The following KCTD16 variants were observed in gnomAD, a reference collection of about 807,000 sequenced individuals.
The protein encoded by KCTD16 is BTB/POZ domain-containing protein KCTD16.
KCTD16 carries 13 observed loss-of-function variants against 33.2 expected under a neutral mutation model. That is an observed-to-expected ratio of 0.39 (90% CI 0.25 to 0.62). The LOEUF is 0.62. Among genes scored for constraint, KCTD16 ranks in the 20% least tolerant of loss-of-function variants. The probability of loss-of-function intolerance (pLI) is 0.50; values close to 1 mark genes in which losing one functional copy is unlikely to be tolerated. For synonymous variants in KCTD16, 197 were observed against 195.3 expected, an observed-to-expected ratio of 1.01 and a Z score of -0.07; for missense variants, 441 against 525.1, an observed-to-expected ratio of 0.84 and a Z score of 1.57.
intron 3 of KCTD16, among the ~76,000 whole-genome samples, chr5:144,348,859 A>G (rs1752875177): frequency 6.6e-6 from 1 of 152,316 alleles, no homozygotes; most frequent in African/African-American, 2.4e-5. Flanking sequence ...TTGCTGCAGC[A>G]ATCTTGACTA....
chr5:144,301,748 C>T (rs1200133546), intron 3 of KCTD16, among the ~76,000 whole-genome samples: 1 of 152,184 alleles, frequency 6.6e-6, no homozygotes, highest in Non-Finnish European at 1.5e-5. Context: ...TGATGCTTCC[C>T]TTAGCAACCA....
At chr5:144,227,413 G>A (rs1463143884) in intron 3 of KCTD16, among the ~76,000 whole-genome samples, 1 of 152,172 alleles carries the variant, frequency 6.6e-6, no homozygotes, top group Non-Finnish European at 1.5e-5. Context: ...TGGTAAGGGA[G>A]GAAGAGGCTG....
intron 3 of KCTD16, among the ~76,000 whole-genome samples, chr5:144,223,450 G>A (rs1753826488): frequency 6.6e-6 from 1 of 152,054 alleles, no homozygotes; most frequent in South Asian, 2.1e-4. Flanking sequence ...TAATAGAATG[G>A]TAGCATCAGC....
intron 3 of KCTD16, among the ~76,000 whole-genome samples, chr5:144,466,001 G>T (rs1294485582): frequency 6.6e-6 from 1 of 151,796 alleles, no homozygotes; most frequent in Non-Finnish European, 1.5e-5. Context: ...ACCATGCCTG[G>T]CTAATTTTTG....
intron 2 of KCTD16, among the ~76,000 whole-genome samples, chr5:144,193,998 G>C (rs1185400136): frequency 6.6e-6 from 1 of 152,142 alleles, no homozygotes; most frequent in East Asian, 1.9e-4. Context: ...TAGGACTCGA[G>C]TGTAAGGTGC....
chr5:144,399,356 G>A (rs768175429), intron 3 of KCTD16, among the ~76,000 whole-genome samples: 6 of 151,220 alleles, frequency 4.0e-5, no homozygotes, highest in Non-Finnish European at 7.4e-5. Context: ...TAGAATCTAG[G>A]GTTAGTGCAA....
chr5:144,385,356 T>G (rs1446270816), intron 3 of KCTD16: 3 of 152,212 alleles, frequency 2.0e-5, no homozygotes, highest in Non-Finnish European at 2.9e-5. Context: ...ATTTGTTACT[T>G]GTATTTTTAT....
At chr5:144,249,247 T>C (rs925564527) in intron 3 of KCTD16, among the ~76,000 whole-genome samples, 10 of 152,188 alleles carry the variant, frequency 6.6e-5, no homozygotes, top group African/African-American at 2.4e-4. Context: ...GTAATATTCT[T>C]ATACTCTTCC....
chr5:144,443,421 GGAGA>G (rs1238904659), intron 3 of KCTD16, among the ~76,000 whole-genome samples: 2 of 150,416 alleles, frequency 1.3e-5, no homozygotes, highest in African/African-American at 4.9e-5. Context: ...TTTTTTTTCT[GGAGA>G]GAGAGTCTGG....
intron 3 of KCTD16, among the ~76,000 whole-genome samples, chr5:144,447,715 TAAAAA>T (rs892868499): frequency 6.6e-6 from 1 of 152,006 alleles, no homozygotes; most frequent in African/African-American, 2.4e-5. Flanking sequence ...CAACATAAAC[TAAAAA>T]CAAAACAATG....
At chr5:144,448,570 G>A (rs1241091803) in intron 3 of KCTD16, among the ~76,000 whole-genome samples, 2 of 152,076 alleles carry the variant, frequency 1.3e-5, no homozygotes, top group Non-Finnish European at 2.9e-5. Context: ...TTTAAAATAT[G>A]CTTGGCTTGG....
chr5:144,365,534 T>C (rs1751813840), intron 3 of KCTD16, among the ~76,000 whole-genome samples: 1 of 152,184 alleles, frequency 6.6e-6, no homozygotes, highest in Non-Finnish European at 1.5e-5. Flanking sequence ...GGTAACCTAA[T>C]TACATGCATC....
At chr5:144,281,438 T>G (rs1423982987) in intron 3 of KCTD16, among the ~76,000 whole-genome samples, 1 of 152,242 alleles carries the variant, frequency 6.6e-6, no homozygotes. Context: ...TCTTCCAGAT[T>G]TTTCTTTGGC....
intron 3 of KCTD16, among the ~76,000 whole-genome samples, chr5:144,274,175 T>C (rs543806981): frequency 6.6e-6 from 1 of 152,148 alleles, no homozygotes; most frequent in African/African-American, 2.4e-5. Context: ...CTCTTTTCTT[T>C]TTATCCTTCT....
rs1180375035 is a variant in KCTD16 at position 144,446,851 on chromosome 5, A to T, written c.833-26809A>T. ...TTAGAGAAATGCAAATCAAAACCAC[A>T]ATGAGATACTATCTCGTGCCAGTTA... On this transcript the variant is annotated intron_variant, in intron 3 of 3. Transcript: ENST00000512467. Among the ~76,000 whole-genome samples the T allele has an allele frequency of 2.0e-5, 3 of 152,202 alleles. No homozygotes were observed. The East Asian group carries it at 5.8e-4, about 29-fold the overall frequency.
chr5:144,441,104 A>C (rs551771340), intron 3 of KCTD16, among the ~76,000 whole-genome samples: 1 of 152,032 alleles, frequency 6.6e-6, no homozygotes, highest in African/African-American at 2.4e-5. Context: ...TTCATTTTTC[A>C]TTGGGTTATC....
chr5:144,427,333 A>G (rs760449789), intron 3 of KCTD16, among the ~76,000 whole-genome samples: 6 of 152,062 alleles, frequency 3.9e-5, no homozygotes, highest in Non-Finnish European at 8.8e-5. Flanking sequence ...CAAATTCAAT[A>G]GACATTCCTA....
At chr5:144,453,315 C>T (rs1753988589) in intron 3 of KCTD16, among the ~76,000 whole-genome samples, 1 of 152,114 alleles carries the variant, frequency 6.6e-6, no homozygotes. Flanking sequence ...CACTTTTCCC[C>T]TGATCAAAAG....
intron 3 of KCTD16, among the ~76,000 whole-genome samples, chr5:144,270,107 T>C (rs1328865614): frequency 6.6e-6 from 1 of 151,862 alleles, no homozygotes; most frequent in Non-Finnish European, 1.5e-5. Flanking sequence ...AGAAAATAAA[T>C]AGCAAAATGA....
Sources: allele counts gnomAD v4.1 joint callset (sites outside exome capture counted in the v4.1 genomes callset), GRCh38; gene constraint gnomAD v4.1.1; transcripts MANE v1.5; gene names NCBI Gene and HGNC (gene_info 2026-07-23, HGNC 2026-07-21).